Variants in CDH12 observed in about 807,000 individuals in gnomAD.
CDH12 encodes cadherin 12.
CDH12 carries 41 observed loss-of-function variants against 74.1 expected under a neutral mutation model. That is an observed-to-expected ratio of 0.55 (90% CI 0.43 to 0.72). The LOEUF (loss-of-function observed/expected upper bound fraction) is 0.72, where lower values mean the gene tolerates loss of function less well. CDH12 is among the 30% of genes least tolerant of loss of function. CDH12 has a pLI of 0.00. For missense variants in CDH12, 945 were observed against 977.2 expected (o/e 0.97, Z 0.44); for synonymous variants, 399 against 355.0 (o/e 1.12, Z -1.39).
intron 1 of CDH12, among the ~76,000 whole-genome samples, chr5:22,720,259 T>C (rs1338909238): frequency 6.6e-6 from 1 of 152,084 alleles, no homozygotes; most frequent in African/African-American, 2.4e-5. Context: ...AGTAAGTGAG[T>C]TCTCACAATA....
chr5:22,074,554 C>T (rs1048830665), intron 5 of CDH12, among the ~76,000 whole-genome samples: 1 of 151,812 alleles, frequency 6.6e-6, no homozygotes, highest in African/African-American at 2.4e-5. Context: ...AAATTTTTGC[C>T]ATCTACTCAT....
intron 1 of CDH12, chr5:22,580,265 A>T (rs918618704): frequency 2.8e-5 from 10 of 360,346 alleles, no homozygotes; most frequent in African/African-American, 1.9e-4. Context: ...TCAGATAATC[A>T]TTCAAACATT....
chr5:22,425,153 G>GTATATATATATATAAAAA (rs1743853895), intron 2 of CDH12, among the ~76,000 whole-genome samples: 2 of 87,990 alleles, frequency 2.3e-5, no homozygotes, highest in Non-Finnish European at 5.0e-5. Context: ...ATGTGTGTGT[G>GTATATATATATATAAAAA]TATATATATA....
chr5:21,778,214 G>C lies in CDH12; in HGVS notation c.1393+5144C>G, dbSNP rs76352930. On this transcript the variant is annotated intron_variant, in intron 11 of 14. Coordinates refer to ENST00000382254, the MANE Select transcript of CDH12 (RefSeq NM_004061.5). ...GACTCCAGGGTGTTGGTCCGAGCCTGGTCATCATTAGCTGTGTGACACTGA... is the reference window on the plus strand; with the variant it reads ...GACTCCAGGGTGTTGGTCCGAGCCTCGTCATCATTAGCTGTGTGACACTGA... Among the ~76,000 whole-genome samples the C allele has an allele frequency of 9.0e-3, 1,368 of 152,136 alleles. 25 individuals are homozygous for C. The highest frequency in any genetic ancestry group is 0.031 in the African/African-American group (1,302 of 41,492).
intron 1 of CDH12, among the ~76,000 whole-genome samples, chr5:22,636,490 A>G (rs915863135): frequency 1.3e-5 from 2 of 152,234 alleles, no homozygotes; most frequent in African/African-American, 4.8e-5. Flanking sequence ...TAGTAATAAA[A>G]ATGAAGTATT....
intron 3 of CDH12, among the ~76,000 whole-genome samples, chr5:22,222,623 TTAA>T (rs1752058068): frequency 6.6e-6 from 1 of 151,848 alleles, no homozygotes; most frequent in South Asian, 2.1e-4. Context: ...TCATATATTA[TTAA>T]TAAACATTTC....
chr5:22,818,641 C>G (rs1749511601), intron 1 of CDH12, among the ~76,000 whole-genome samples: 2 of 152,044 alleles, frequency 1.3e-5, no homozygotes, highest in African/African-American at 4.8e-5. Flanking sequence ...CATACTTTAA[C>G]TTACAAAAAT....
intron 4 of CDH12, among the ~76,000 whole-genome samples, chr5:22,117,464 ATATAATATATATATTATATATATAT>A (rs1745196497): frequency 1.5e-5 from 1 of 65,566 alleles, no homozygotes; most frequent in African/African-American, 5.5e-5. Flanking sequence ...TATATTATAT[ATATAATATATATATTATATATATAT>A]TATATATATA....
chr5:21,904,200 TC>T (rs1478307660), intron 6 of CDH12, among the ~76,000 whole-genome samples: 2 of 152,172 alleles, frequency 1.3e-5, no homozygotes, highest in Non-Finnish European at 2.9e-5. Context: ...GTGTTTGGGT[TC>T]TTTTTCATTG....
intron 1 of CDH12, among the ~76,000 whole-genome samples, chr5:22,561,905 T>C (rs1561491646): frequency 6.6e-6 from 1 of 152,268 alleles, no homozygotes; most frequent in African/African-American, 2.4e-5. Context: ...AATAGAAACC[T>C]TTTTTTGGAT....
intron 5 of CDH12, among the ~76,000 whole-genome samples, chr5:22,023,347 C>G (rs1738114287): frequency 6.6e-6 from 1 of 152,064 alleles, no homozygotes; most frequent in African/African-American, 2.4e-5. Flanking sequence ...TTATATTCAT[C>G]ATGATTTGTC....
chr5:22,135,947 C>T lies in CDH12; in HGVS notation c.-186-57085G>A, dbSNP rs547457945. ...TTGACTCTGTTTTCACTGGGTATGACGAGAATGCCCCAATTCAAATAATCA... is the reference window on the plus strand; with the variant it reads ...TTGACTCTGTTTTCACTGGGTATGATGAGAATGCCCCAATTCAAATAATCA... On this transcript the variant is annotated intron_variant, in intron 4 of 14. Coordinates refer to ENST00000382254, the MANE Select transcript of CDH12 (RefSeq NM_004061.5). 3.2e-3 allele frequency among the ~76,000 whole-genome samples: 493 copies of T among 151,872 alleles called. 3 individuals are homozygous for T. The highest frequency in any genetic ancestry group is 0.011 in the African/African-American group (458 of 41,426).
At chr5:22,772,668 A>T (rs1746870999) in intron 1 of CDH12, among the ~76,000 whole-genome samples, 1 of 152,142 alleles carries the variant, frequency 6.6e-6, no homozygotes, top group Non-Finnish European at 1.5e-5. Context: ...AAGAAATGTA[A>T]AAGTATATGA....
intron 1 of CDH12, among the ~76,000 whole-genome samples, chr5:22,846,244 T>C (rs990314803): frequency 2.6e-5 from 4 of 152,062 alleles, no homozygotes; most frequent in Admixed American, 2.6e-4. Context: ...TTTGAACAAG[T>C]TGGGTTTCAA....
intron 14 of CDH12, 111 bp downstream of exon 14, chr5:21,755,480 G>T: frequency 1.1e-6 from 1 of 885,918 alleles, no homozygotes; most frequent in Non-Finnish European, 1.7e-6. Context: ...ACATGTCAAT[G>T]AATAAAAACT....
chr5:22,351,897 T>C (rs1363303278), intron 3 of CDH12, among the ~76,000 whole-genome samples: 2 of 152,128 alleles, frequency 1.3e-5, no homozygotes, highest in Admixed American at 1.3e-4. Flanking sequence ...ACTCATATAG[T>C]AGTAATTGAA....
At chr5:21,791,872 A>G (rs1029713686) in intron 10 of CDH12, among the ~76,000 whole-genome samples, 12 of 151,836 alleles carry the variant, frequency 7.9e-5, no homozygotes, top group Non-Finnish European at 1.3e-4. Flanking sequence ...CAATTTGCTT[A>G]ATAATTTTCT....
At chr5:22,441,998 G>A (rs914335769) in intron 2 of CDH12, among the ~76,000 whole-genome samples, 9 of 152,136 alleles carry the variant, frequency 5.9e-5, no homozygotes, top group East Asian at 1.9e-4. Context: ...GCCATGGAGC[G>A]TGGCCCCTTT....
chr5:22,046,588 TC>T (rs1230185114), intron 5 of CDH12, among the ~76,000 whole-genome samples: 4 of 152,028 alleles, frequency 2.6e-5, no homozygotes, highest in Non-Finnish European at 5.9e-5. Flanking sequence ...CTGTTGTTTT[TC>T]TTAATCTATA....
Sources: allele counts gnomAD v4.1 joint callset (sites outside exome capture counted in the v4.1 genomes callset), GRCh38; gene constraint gnomAD v4.1.1; transcripts MANE v1.5; gene names NCBI Gene and HGNC (gene_info 2026-07-23, HGNC 2026-07-21).